The following CPED1 variants were observed in gnomAD, a reference collection of about 807,000 sequenced individuals.
The protein encoded by CPED1 is cadherin-like and PC-esterase domain-containing protein 1.
Under a neutral mutation model 128.2 loss-of-function variants are expected in CPED1, and 114 were observed. That is an observed-to-expected ratio of 0.89 (90% CI 0.76 to 1.04). CPED1 has a LOEUF of 1.04. CPED1 is among the 50% of genes least tolerant of loss of function. The pLI is 0.00. For synonymous variants in CPED1, 462 were observed against 426.7 expected (o/e 1.08, Z -1.02); for missense variants, 1,211 against 1,207.1 (o/e 1.00, Z -0.05).
chr7:121,082,400 A>T (rs1794316063), intron 5 of CPED1, among the ~76,000 whole-genome samples: 1 of 152,154 alleles, frequency 6.6e-6, no homozygotes, highest in African/African-American at 2.4e-5. Flanking sequence ...TTTTTGAGGC[A>T]TTCTGATTTA....
At chr7:121,058,811 T>C (rs1793575291) in intron 4 of CPED1, among the ~76,000 whole-genome samples, 1 of 152,206 alleles carries the variant, frequency 6.6e-6, no homozygotes, top group Admixed American at 6.5e-5. Flanking sequence ...GACTTTATTA[T>C]GTAAACAACA....
chr7:121,049,362 A>T (rs1167514476), intron 4 of CPED1, among the ~76,000 whole-genome samples: 1 of 152,196 alleles, frequency 6.6e-6, no homozygotes, highest in Non-Finnish European at 1.5e-5. Flanking sequence ...TGGTAAACTT[A>T]GGGGAGTGTA....
At chr7:121,233,830 G>C (rs1045595241) in intron 16 of CPED1, among the ~76,000 whole-genome samples, 7 of 152,012 alleles carry the variant, frequency 4.6e-5, no homozygotes, top group Non-Finnish European at 1.0e-4. Flanking sequence ...GACCAAGCAG[G>C]AGTTTGTTTT....
Position 121,114,787 on chromosome 7 carries a change from A to T in CPED1, c.919-9544A>T, listed in dbSNP as rs553292423. 2.1e-3 allele frequency among the ~76,000 whole-genome samples: 318 copies of T among 152,312 alleles called. 1 individual carries two copies. Among genetic ancestry groups the T allele is most frequent in the African/African-American group, 6.5e-3 (270 of 41,570 alleles). ...CAGGTTTAATTCTTTTTTATTTTTT[A>T]AAAAAAGTTTAAGAATTGGGTGTAT... is the stretch of plus-strand genomic sequence containing the variant. On this transcript the variant is annotated intron_variant, in intron 7 of 22. Transcript: ENST00000310396.
chr7:121,249,478 C>T (rs548473844), intron 18 of CPED1, among the ~76,000 whole-genome samples: 2 of 152,276 alleles, frequency 1.3e-5, no homozygotes, highest in African/African-American at 4.8e-5. Context: ...TGGCAGCAGA[C>T]CTTTCAGCAG....
chr7:121,125,457 C>T (rs866555446), intron 8 of CPED1, among the ~76,000 whole-genome samples: 1 of 152,124 alleles, frequency 6.6e-6, no homozygotes, highest in African/African-American at 2.4e-5. Flanking sequence ...CTTTCCCTCT[C>T]CTTGCCCCCC....
At chr7:121,086,973 C>T (rs1168632634) in intron 5 of CPED1, among the ~76,000 whole-genome samples, 1 of 152,190 alleles carries the variant, frequency 6.6e-6, no homozygotes, top group African/African-American at 2.4e-5. Context: ...GGAACCTAAC[C>T]CCAGCCATGA....
intron 16 of CPED1, among the ~76,000 whole-genome samples, chr7:121,186,016 A>AGTGTT (rs1796993393): frequency 6.6e-6 from 1 of 152,216 alleles, no homozygotes; most frequent in African/African-American, 2.4e-5. Context: ...TGGATATAAT[A>AGTGTT]CTATTATAAT....
At chr7:121,198,275 C>T (rs544904426) in intron 16 of CPED1, among the ~76,000 whole-genome samples, 44 of 152,138 alleles carry the variant, frequency 2.9e-4, no homozygotes, top group African/African-American at 1.0e-3. Flanking sequence ...CTTTTTTATT[C>T]AAATATAAGC....
At chr7:120,998,459 A>C (rs1173260976) in intron 2 of CPED1, among the ~76,000 whole-genome samples, 5 of 152,164 alleles carry the variant, frequency 3.3e-5, no homozygotes, top group African/African-American at 1.2e-4. Context: ...AATCACATGA[A>C]GCACTTAAAG....
chr7:121,102,695 A>T (rs11982438), intron 7 of CPED1, among the ~76,000 whole-genome samples: 67,392 of 151,916 alleles, frequency 0.44, 16,098 homozygotes, highest in East Asian at 0.83. Flanking sequence ...ATCCTTAACA[A>T]GGAAGGAACA....
At chr7:121,188,653 A>G (rs1398825534) in intron 16 of CPED1, among the ~76,000 whole-genome samples, 1 of 152,102 alleles carries the variant, frequency 6.6e-6, no homozygotes, top group South Asian at 2.1e-4. Context: ...GAAAGGGGAG[A>G]ATCAGAAAAG....
intron 2 of CPED1, among the ~76,000 whole-genome samples, chr7:120,996,716 A>G (rs544299506): frequency 1.3e-5 from 2 of 152,300 alleles, no homozygotes; most frequent in African/African-American, 4.8e-5. Context: ...CTCCAAATTA[A>G]TTCAGATAAG....
At chr7:121,288,030 A>T (rs1792620538) in intron 22 of CPED1, among the ~76,000 whole-genome samples, 1 of 152,186 alleles carries the variant, frequency 6.6e-6, no homozygotes, top group Non-Finnish European at 1.5e-5. Context: ...ACAGTTACAT[A>T]TAATTGTTTG....
intron 18 of CPED1, among the ~76,000 whole-genome samples, chr7:121,252,552 T>A (rs1647621817): frequency 6.6e-6 from 1 of 151,732 alleles, no homozygotes; most frequent in South Asian, 2.1e-4. Flanking sequence ...GGGAGAAAAT[T>A]TTCGCAACCT....
chr7:121,090,833 C>T (rs1049953187), intron 5 of CPED1, among the ~76,000 whole-genome samples: 1 of 152,002 alleles, frequency 6.6e-6, no homozygotes, highest in Admixed American at 6.6e-5. Context: ...CCTATAATCC[C>T]AGCTACTCGA....
intron 5 of CPED1, among the ~76,000 whole-genome samples, chr7:121,077,561 T>C (rs571246651): frequency 2.0e-5 from 3 of 151,976 alleles, no homozygotes; most frequent in African/African-American, 7.2e-5. Context: ...ACTGAAGACA[T>C]AAATAATGGA....
intron 4 of CPED1, among the ~76,000 whole-genome samples, chr7:121,061,611 A>G (rs1372912624): frequency 6.6e-6 from 1 of 152,194 alleles, no homozygotes; most frequent in African/African-American, 2.4e-5. Context: ...CTGTGAACCC[A>G]AAACAGCTAT....
chr7:121,063,207 A>G (rs1307678006), intron 4 of CPED1, among the ~76,000 whole-genome samples: 2 of 152,080 alleles, frequency 1.3e-5, no homozygotes, highest in Non-Finnish European at 2.9e-5. Flanking sequence ...ACACATGAAC[A>G]GGGTTAATAA....
Sources: allele counts gnomAD v4.1 joint callset (sites outside exome capture counted in the v4.1 genomes callset), GRCh38; gene constraint gnomAD v4.1.1; transcripts MANE v1.5; gene names NCBI Gene and HGNC (gene_info 2026-07-23, HGNC 2026-07-21).